TRPC3: variants seen among roughly 807,000 people sequenced by gnomAD.
The protein encoded by TRPC3 is short transient receptor potential channel 3.
TRPC3 carries 54 observed loss-of-function variants against 90.9 expected under a neutral mutation model. The observed-to-expected ratio is 0.59, with a 90% CI of 0.48 to 0.75. The LOEUF (loss-of-function observed/expected upper bound fraction) is 0.75. Among genes scored for constraint, TRPC3 ranks in the 30% least tolerant of loss-of-function variants. The pLI is 0.00. For missense variants in TRPC3, 918 were observed against 1,194.5 expected (o/e 0.77, Z 3.41); for synonymous variants, 424 against 450.9 (o/e 0.94, Z 0.75).
chr4:121,932,873 G>T lies in TRPC3; in HGVS notation c.385C>A (p.Arg129Ser), dbSNP rs760674604. The T allele has an allele frequency of 6.2e-7, 1 of 1,613,812 alleles. No homozygotes were observed. Among genetic ancestry groups the T allele is most frequent in the Non-Finnish European group, 8.5e-7 (1 of 1,179,810 alleles). Residue 129 changes from arginine (R) to serine (S), a missense_variant, in exon 2 of 12, where the codon CGC becomes AGC. By Grantham distance (110) the Arg-to-Ser change is moderately radical (BLOSUM62 -1). Around this residue, in one of 4 missense-constraint regions of TRPC3, gnomAD observed 609 missense variants for 725.9 expected, o/e 0.84. Transcript: ENST00000379645. This position sits in a 1 kb window ranked among gnomAD's most constrained non-coding sequence, Gnocchi z 7.7. ...AAEYGNIPVVRKMLEESKTLN... is the reference protein window; with the variant it reads ...AAEYGNIPVVSKMLEESKTLN... Reference sequence around the variant, plus strand: ...GTCTTGGACTCCTCCAGCATCTTGCGCACCACTGGGATGTTGCCGTACTCG... The same window carrying T: ...GTCTTGGACTCCTCCAGCATCTTGCTCACCACTGGGATGTTGCCGTACTCG...
rs193124651 is a variant in TRPC3, at chr4:121,888,187, C to T, written c.2548-5758G>A. The stretch of plus-strand genomic sequence containing the variant: ...GATCAAAACATTTTTGAAACTCTTC[C>T]GCTGTGGCCCCTTGGGGCATATTTG... On this transcript the variant is annotated intron_variant, in intron 10 of 11. Transcript: ENST00000379645. Among the ~76,000 whole-genome samples the T allele has an allele frequency of 3.7e-3, 569 of 152,152 alleles. 4 individuals carry two copies. The highest frequency in any genetic ancestry group is 0.013 in the African/African-American group (535 of 41,510).
intron 10 of TRPC3, among the ~76,000 whole-genome samples, chr4:121,894,110 A>C (rs1408631671): frequency 6.6e-6 from 1 of 152,192 alleles, no homozygotes; most frequent in Admixed American, 6.5e-5. Context: ...TATATACAAA[A>C]TGACTTACTA....
intron 3 of TRPC3, among the ~76,000 whole-genome samples, chr4:121,918,468 A>G (rs556731811): frequency 1.3e-5 from 2 of 152,352 alleles, no homozygotes; most frequent in East Asian, 3.9e-4. Flanking sequence ...TTAATTACAT[A>G]TTTATAAAGA....
At chr4:121,889,906 G>C (rs1728261942) in intron 10 of TRPC3, among the ~76,000 whole-genome samples, 1 of 152,136 alleles carries the variant, frequency 6.6e-6, no homozygotes, top group Admixed American at 6.5e-5. Flanking sequence ...CCAAAATATG[G>C]AATCAACCTA....
Position 121,876,763 on chromosome 4 carries a change from T to A in TRPC3, c.*2973A>T, listed in dbSNP as rs1221140872. Among the ~76,000 whole-genome samples the A allele has an allele frequency of 2.0e-5, 3 of 152,220 alleles. No individual in the cohort carries two copies. In the East Asian group the frequency reaches 5.8e-4, roughly 29 times the overall value. The stretch of plus-strand genomic sequence containing the variant: ...CCAAACTTTTCAACAGATTGTGACT[T>A]CCATAAAGTCATGGGTGCTCTGTAA... On this transcript the variant is annotated 3_prime_UTR_variant, in exon 12 of 12. Transcript: ENST00000379645.
At chr4:121,943,213 A>G (rs950573) in intron 1 of TRPC3, among the ~76,000 whole-genome samples, 71,995 of 151,916 alleles carry the variant, frequency 0.47, 18,181 homozygotes, top group East Asian at 0.6. Flanking sequence ...GAATACCCCT[A>G]GTCACATATG....
intron 1 of TRPC3, among the ~76,000 whole-genome samples, chr4:121,942,388 C>G (rs1730349178): frequency 6.6e-6 from 1 of 151,994 alleles, no homozygotes; most frequent in African/African-American, 2.4e-5. Context: ...AAAGTGAAAC[C>G]CCATCTCTAC....
Position 121,875,399 on chromosome 4 carries a change from G to T in TRPC3, c.*4337C>A, listed in dbSNP as rs1727735621. On this transcript the variant is annotated 3_prime_UTR_variant, in exon 12 of 12. Coordinates refer to ENST00000379645, the MANE Select transcript of TRPC3 (RefSeq NM_001130698.2). ...TACATACTATGTTTTGTTTCTAAAT[G>T]ATTAGTAAAGATTTCAACCTACTAA... 6.6e-6 allele frequency among the ~76,000 whole-genome samples: 1 copy of T among 152,178 alleles called. No homozygotes were observed. Among genetic ancestry groups the T allele is most frequent in the African/African-American group, 2.4e-5 (1 of 41,440 alleles).
rs186052258 is a variant in TRPC3 at position 121,876,060 on chromosome 4, G to A, written c.*3676C>T. On this transcript the variant is annotated 3_prime_UTR_variant, in exon 12 of 12. Transcript: ENST00000379645. ...ACCACAGACACATGCCACCATGCCCGGCTAATTTTTTTTGTATTTTTTGTA... is the reference window on the plus strand; with the variant it reads ...ACCACAGACACATGCCACCATGCCCAGCTAATTTTTTTTGTATTTTTTGTA... Among the ~76,000 whole-genome samples the A allele has an allele frequency of 2.0e-5, 3 of 151,592 alleles. No individual in the cohort carries two copies. The highest frequency in any genetic ancestry group is 2.0e-4 in the East Asian group (1 of 5,118).
intron 6 of TRPC3, among the ~76,000 whole-genome samples, chr4:121,908,020 A>C (rs1728947391): frequency 6.6e-6 from 1 of 152,128 alleles, no homozygotes; most frequent in Admixed American, 6.6e-5. Flanking sequence ...AATTCATGCA[A>C]ATAAAATATT....
Position 121,951,799 on chromosome 4 carries a change from G to T in TRPC3, c.-119C>A. The T allele has an allele frequency of 2.6e-6, 2 of 784,172 alleles. No homozygotes were observed. The highest frequency in any genetic ancestry group is 4.4e-5 in the Admixed American group (1 of 22,888). 48.6% of individuals were successfully genotyped at this position (784,172 alleles called of 1,614,324 possible). On this transcript the variant is annotated 5_prime_UTR_variant, in exon 1 of 12. Transcript: ENST00000379645. The surrounding 1 kb of genome is among the most constrained non-coding windows in gnomAD (Gnocchi z 4.4). ...TCCCGCGGCTTCCGGGGCCCCGGGC[G>T]GCCCAGGGCGGGAAGGCAGGAGCGG...
chr4:121,920,157 T>C (rs981564307), intron 3 of TRPC3, among the ~76,000 whole-genome samples: 4 of 152,210 alleles, frequency 2.6e-5, no homozygotes, highest in African/African-American at 4.8e-5. Flanking sequence ...AAGAATAATA[T>C]AGGTATTTCT....
chr4:121,907,465 G>A lies in TRPC3; in HGVS notation c.1895C>T (p.Ala632Val). ...CTGCAGGGGGCCAAAGCTCTCATTTGCAGGGAGGATGTACGCAATCCGAGA... is the reference window on the plus strand; with the variant it reads ...CTGCAGGGGGCCAAAGCTCTCATTTACAGGGAGGATGTACGCAATCCGAGA... ...SFSRIAYILP[A>V]NESFGPLQIS... is the part of the protein sequence containing the mutation. Residue 632 changes from alanine (A) to valine (V), a missense_variant, in exon 7 of 12, where the codon GCA becomes GTA. Ala to Val is a moderately conservative substitution (Grantham distance 64, BLOSUM62 0). Transcript: ENST00000379645. 1 of 1,613,428 alleles carries A rather than the reference G, an allele frequency of 6.2e-7. No individual in the cohort carries two copies. The highest frequency in any genetic ancestry group is 1.1e-5 in the South Asian group (1 of 91,048).
intron 10 of TRPC3, among the ~76,000 whole-genome samples, chr4:121,883,435 A>G (rs1478146956): frequency 1.3e-5 from 2 of 152,200 alleles, no homozygotes; most frequent in Non-Finnish European, 2.9e-5. Flanking sequence ...CTTTAATTCA[A>G]TAAGAAAAAC....
intron 10 of TRPC3, among the ~76,000 whole-genome samples, chr4:121,898,732 C>T (rs1728601523): frequency 6.6e-6 from 1 of 151,948 alleles, no homozygotes; most frequent in Non-Finnish European, 1.5e-5. Flanking sequence ...TGCTAATTAC[C>T]CTGATCTGAT....
intron 3 of TRPC3, among the ~76,000 whole-genome samples, chr4:121,919,468 G>A (rs1288104355): frequency 6.6e-6 from 1 of 152,142 alleles, no homozygotes; most frequent in Non-Finnish European, 1.5e-5. Context: ...TATTGCACAG[G>A]TTTTCTGGAT....
intron 11 of TRPC3, among the ~76,000 whole-genome samples, chr4:121,881,984 T>A (rs143060194): frequency 2.6e-5 from 4 of 152,236 alleles, no homozygotes; most frequent in African/African-American, 9.6e-5. Flanking sequence ...TCTGTTTGAG[T>A]CACTGTTCTT....
chr4:121,922,810 A>T lies in TRPC3; in HGVS notation c.1176+2208T>A, dbSNP rs542243024. ...TTGCTCAAAACTATCCTTTTCCCTC[A>T]ATATATTAATAACAAAACCTCAACT... On this transcript the variant is annotated intron_variant, in intron 3 of 11. Coordinates refer to ENST00000379645, the MANE Select transcript of TRPC3 (RefSeq NM_001130698.2). Among the ~76,000 whole-genome samples the T allele has an allele frequency of 4.6e-5, 7 of 152,342 alleles. 1 individual carries two copies. The South Asian group carries it at 1.4e-3, about 32-fold the overall frequency.
At chr4:121,928,917 T>C (rs555573362) in intron 2 of TRPC3, among the ~76,000 whole-genome samples, 86 of 152,344 alleles carry the variant, frequency 5.6e-4, no homozygotes, top group African/African-American at 2.0e-3. Context: ...CAAGTTATCA[T>C]ACTGATTAAA....
Sources: gnomAD v4.1 joint callset for allele counts (sites outside exome capture counted in the v4.1 genomes callset) on GRCh38, gnomAD v4.1.1 for gene constraint, gnomAD v4.1.1 regional missense constraint, Gnocchi (gnomAD v3.1) non-coding constraint, MANE v1.5 for transcripts, NCBI Gene and HGNC (gene_info 2026-07-23, HGNC 2026-07-21) for gene names.